The following EVL variants were observed in gnomAD, a reference collection of about 807,000 sequenced individuals.
EVL encodes the protein ena/VASP-like protein.
In EVL, 21 loss-of-function variants were observed where a neutral mutation model predicts 59.6. The ratio of observed to expected loss-of-function variants is 0.35; its 90% CI spans 0.25 to 0.51. The LOEUF (loss-of-function observed/expected upper bound fraction) is 0.51, where lower values mean the gene tolerates loss of function less well. Among genes scored for constraint, EVL ranks in the 20% least tolerant of loss-of-function variants. EVL has a pLI of 0.97. For missense variants in EVL, 462 were observed against 546.6 expected (o/e 0.85, Z 1.54); for synonymous variants, 198 against 203.5 (o/e 0.97, Z 0.23).
At chr14:100,118,591 T>G (rs1425414460) in intron 3 of EVL, among the ~76,000 whole-genome samples, 3 of 152,128 alleles carry the variant, frequency 2.0e-5, no homozygotes, top group South Asian at 2.1e-4. Context: ...GCCCGCCTCT[T>G]GCAGTGCTCA....
At chr14:100,084,559 G>A in intron 1 of EVL, 128 bp from the exon 2 acceptor site, 1 of 938,866 alleles carries the variant, frequency 1.1e-6, no homozygotes, top group South Asian at 1.7e-5. Context: ...TTCCATAGAT[G>A]TTGGAAGTTC....
At chr14:100,015,609 C>G (rs978359628) in intron 1 of EVL, among the ~76,000 whole-genome samples, 1 of 152,192 alleles carries the variant, frequency 6.6e-6, no homozygotes, top group Non-Finnish European at 1.5e-5. Context: ...CCGGCAGGGA[C>G]TGCCAGAGTC....
At chr14:100,080,761 C>G (rs1032672790) in intron 1 of EVL, among the ~76,000 whole-genome samples, 4 of 152,144 alleles carry the variant, frequency 2.6e-5, no homozygotes, top group Non-Finnish European at 1.5e-5. Flanking sequence ...AGAAGTCCAC[C>G]AACCTGGTAA....
chr14:100,000,076 G>A (rs1430852397), intron 1 of EVL, among the ~76,000 whole-genome samples: 4 of 152,198 alleles, frequency 2.6e-5, no homozygotes, highest in Admixed American at 6.5e-5. Flanking sequence ...TGTGAACCCC[G>A]AATATCTGAG....
chr14:100,003,807 G>A (rs1341001842), intron 1 of EVL, among the ~76,000 whole-genome samples: 1 of 152,132 alleles, frequency 6.6e-6, no homozygotes, highest in Non-Finnish European at 1.5e-5. Flanking sequence ...GAATTATTTT[G>A]ATAAAATGTA....
rs906082052 is a variant in EVL, at chr14:100,114,902, G to C, written c.359-8637G>C. Among the ~76,000 whole-genome samples, 4 of 152,044 alleles carry C rather than the reference G, an allele frequency of 2.6e-5. No individual in the cohort carries two copies. Among genetic ancestry groups the C allele is most frequent in the African/African-American group, 9.6e-5 (4 of 41,516 alleles). On this transcript the variant is annotated intron_variant, in intron 3 of 13. Coordinates refer to ENST00000392920, the MANE Select transcript of EVL (RefSeq NM_016337.3). The surrounding 1 kb of genome is among the most constrained non-coding windows in gnomAD (Gnocchi z 5.0). ...AGCGGCAGGGTGGAAGCAGCAGCTGGGTACTGGGAGGCCTGAGCTTCTGTT... is the reference window on the plus strand; with the variant it reads ...AGCGGCAGGGTGGAAGCAGCAGCTGCGTACTGGGAGGCCTGAGCTTCTGTT...
At chr14:100,137,557 A>C (rs1417913982) in intron 9 of EVL, 21 bp from the exon 10 acceptor site, 4 of 1,613,312 alleles carry the variant, frequency 2.5e-6, no homozygotes, top group Non-Finnish European at 3.4e-6. Flanking sequence ...GAGGTTCTTC[A>C]TCCATGAAAT....
At chr14:99,974,609 A>G (rs887251574) in intron 1 of EVL, 3 of 152,458 alleles carry the variant, frequency 2.0e-5, no homozygotes, top group African/African-American at 2.4e-5. Context: ...CTGTGTGTAG[A>G]GATGAGGTGT....
At chr14:99,991,960 CTGTG>C (rs58443751) in intron 1 of EVL, among the ~76,000 whole-genome samples, 1,558 of 143,976 alleles carry the variant, frequency 0.011, 12 homozygotes, top group African/African-American at 0.018. Context: ...AGGGTCAACT[CTGTG>C]TGTGTGTGTG....
In EVL at chr14:100,130,600, A is replaced by G. The variant is rs530060332; in HGVS notation, c.839+916A>G. ...ACCCAAGTGAGAACTCTGTGTGCCCAGGGTCTTCACACTGCAGTCCTAGTT... is the reference window on the plus strand; with the variant it reads ...ACCCAAGTGAGAACTCTGTGTGCCCGGGGTCTTCACACTGCAGTCCTAGTT... On this transcript the variant is annotated intron_variant, in intron 7 of 13. Transcript: ENST00000392920. This position sits in a 1 kb window ranked among gnomAD's most constrained non-coding sequence, Gnocchi z 4.8. Among the ~76,000 whole-genome samples the G allele has an allele frequency of 5.4e-4, 82 of 152,142 alleles. No individual in the cohort carries two copies. The highest frequency in any genetic ancestry group is 9.8e-4 in the Admixed American group (15 of 15,280).
chr14:100,031,949 T>C (rs1477563843), intron 1 of EVL, among the ~76,000 whole-genome samples: 1 of 152,272 alleles, frequency 6.6e-6, no homozygotes, highest in Non-Finnish European at 1.5e-5. Flanking sequence ...GCAAGGAAGA[T>C]GAGCGCCCCC....
chr14:99,975,530 A>G (rs1267046084), intron 1 of EVL, among the ~76,000 whole-genome samples: 5 of 152,176 alleles, frequency 3.3e-5, no homozygotes, highest in African/African-American at 1.2e-4. Context: ...GACTGGTTTT[A>G]TGGAAGAAAA....
chr14:100,043,605 CTTTTTTTTT>C (rs540453599), intron 1 of EVL, among the ~76,000 whole-genome samples: 3 of 127,246 alleles, frequency 2.4e-5, no homozygotes, highest in African/African-American at 6.0e-5. Flanking sequence ...TTTCCTCTGC[CTTTTTTTTT>C]TTTTTTTTTT....
intron 1 of EVL, among the ~76,000 whole-genome samples, chr14:100,026,552 A>G (rs1294943520): frequency 1.3e-5 from 2 of 152,170 alleles, no homozygotes; most frequent in African/African-American, 2.4e-5. Context: ...ATGTAGGAAA[A>G]GTAGGGAACT....
intron 1 of EVL, among the ~76,000 whole-genome samples, chr14:100,056,541 C>T (rs1330027866): frequency 6.6e-6 from 1 of 152,100 alleles, no homozygotes; most frequent in Non-Finnish European, 1.5e-5. Flanking sequence ...TGTTATCTGT[C>T]TTTTAAGTTT....
At chr14:100,115,613 A>G (rs1887291466) in intron 3 of EVL, among the ~76,000 whole-genome samples, 1 of 152,212 alleles carries the variant, frequency 6.6e-6, no homozygotes. Flanking sequence ...ATTGGTCACC[A>G]TGGAGCTGAG....
intron 3 of EVL, among the ~76,000 whole-genome samples, chr14:100,111,514 C>T (rs1157840553): frequency 1.3e-5 from 2 of 152,050 alleles, no homozygotes; most frequent in Non-Finnish European, 2.9e-5. Flanking sequence ...TCATGAGGCT[C>T]AAATGATAAA....
At chr14:100,106,811 T>C (rs1015174100) in intron 3 of EVL, 74 of 398,522 alleles carry the variant, frequency 1.9e-4, no homozygotes, top group African/African-American at 1.4e-3. Context: ...GCACAGTGTC[T>C]GTCTCATTTC....
chr14:100,111,230 C>G (rs1196965178), intron 3 of EVL, among the ~76,000 whole-genome samples: 2 of 142,154 alleles, frequency 1.4e-5, no homozygotes, highest in Non-Finnish European at 3.0e-5. Context: ...AAACTCAGCT[C>G]ACTGCAACCT....
Sources: allele counts gnomAD v4.1 joint callset (sites outside exome capture counted in the v4.1 genomes callset), GRCh38; gene constraint gnomAD v4.1.1; non-coding constraint Gnocchi (gnomAD v3.1); transcripts MANE v1.5; gene names NCBI Gene and HGNC (gene_info 2026-07-23, HGNC 2026-07-21).